TOLLIP: variants seen among roughly 807,000 people sequenced by gnomAD.
TOLLIP encodes the protein toll interacting protein, also known as toll-interacting protein.
A neutral mutation model predicts 33.5 loss-of-function variants in TOLLIP; 16 were observed. The ratio of observed to expected loss-of-function variants is 0.48; its 90% CI spans 0.32 to 0.72. The LOEUF is 0.72. Among genes scored for constraint, TOLLIP ranks in the 30% least tolerant of loss-of-function variants. The probability of loss-of-function intolerance (pLI) is 0.03; values close to 1 mark genes in which losing one functional copy is unlikely to be tolerated. For missense variants in TOLLIP, 325 were observed against 396.6 expected (o/e 0.82, Z 1.53); for synonymous variants, 176 against 163.7 (o/e 1.07, Z -0.57).
chr11:1,281,732 CG>C (rs1422899863), intron 5 of TOLLIP, among the ~76,000 whole-genome samples: 1 of 152,270 alleles, frequency 6.6e-6, no homozygotes, highest in East Asian at 1.9e-4. Context: ...GCCAGCACCG[CG>C]TAGCCAGGCA....
At chr11:1,306,441 C>G (rs72846392) in intron 1 of TOLLIP, among the ~76,000 whole-genome samples, 1 of 152,264 alleles carries the variant, frequency 6.6e-6, no homozygotes, top group Non-Finnish European at 1.5e-5. Flanking sequence ...TCTCCCGAGC[C>G]AGAGTCCTGC....
In TOLLIP at chr11:1,302,619, G is replaced by C. The variant is rs565889600; in HGVS notation, c.34-6825C>G. 4.1e-6 allele frequency: 4 copies of C among 987,292 alleles called. No individual in the cohort carries two copies. The African/African-American group carries it at 7.0e-5, about 17-fold the overall frequency. The allele number at this position is 987,292 out of a possible 1,614,324, so 61.2% of individuals were successfully genotyped here. On this transcript the variant is annotated intron_variant, in intron 1 of 5. Coordinates refer to ENST00000317204, the MANE Select transcript of TOLLIP (RefSeq NM_019009.4). ...AGCCCCTGGCACTCCAGCCAGCCTC[G>C]GCCTCACGCTCCACACCAGCCTCCT...
At chr11:1,302,127 G>A (rs961358555) in intron 1 of TOLLIP, among the ~76,000 whole-genome samples, 2 of 152,260 alleles carry the variant, frequency 1.3e-5, no homozygotes, top group African/African-American at 2.4e-5. Context: ...TCTGCTGCTA[G>A]GTTCACACCC....
At position 1,275,670 on chromosome 11, in the gene TOLLIP, T is replaced by C. The variant is rs1409228696; in HGVS notation, c.*1369A>G. ...CAAAAATAAATATTTATCAACAGTA[T>C]ATTTGACAAAAACCACCCCCAATCG... On this transcript the variant is annotated 3_prime_UTR_variant, in exon 6 of 6. Coordinates refer to ENST00000317204, the MANE Select transcript of TOLLIP (RefSeq NM_019009.4). The C allele has an allele frequency of 6.6e-6, 1 of 152,180 alleles. No individual in the cohort carries two copies. Among genetic ancestry groups the C allele is most frequent in the Non-Finnish European group, 1.5e-5 (1 of 68,034 alleles). The allele number at this position is 152,180 out of a possible 1,614,324, so 9.4% of individuals were successfully genotyped here. A position where few individuals can be genotyped will look rare whatever the true frequency, so the allele number is the denominator to read the frequency against.
chr11:1,284,741 C>A (rs1270521135), intron 5 of TOLLIP, among the ~76,000 whole-genome samples: 1 of 152,212 alleles, frequency 6.6e-6, no homozygotes, highest in East Asian at 1.9e-4. Context: ...AGCCCTGGCA[C>A]CTGCGCGGGC....
At chr11:1,302,553 C>A in intron 1 of TOLLIP, 1 of 984,922 alleles carries the variant, frequency 1.0e-6, no homozygotes, top group Non-Finnish European at 1.2e-6. Context: ...CCACCCTTCA[C>A]AGCACCAGCA....
Position 1,288,843 on chromosome 11 carries a change from C to A in TOLLIP, c.367-67G>T, listed in dbSNP as rs904528585. 9.6e-5 allele frequency: 147 copies of A among 1,537,296 alleles called. 1 individual carries two copies. The highest frequency in any genetic ancestry group is 1.2e-4 in the Non-Finnish European group (140 of 1,134,486). Reference sequence around the variant, plus strand: ...GGGCCACCCTGCCCCTGCAGCCGCACCATCGTGGGCCCGCCTCGAGTCCCC... The same window carrying A: ...GGGCCACCCTGCCCCTGCAGCCGCAACATCGTGGGCCCGCCTCGAGTCCCC... On this transcript the variant is annotated intron_variant, in intron 3 of 5. Coordinates refer to ENST00000317204, the MANE Select transcript of TOLLIP (RefSeq NM_019009.4).
intron 3 of TOLLIP, among the ~76,000 whole-genome samples, chr11:1,289,668 C>A (rs1243467073): frequency 6.8e-6 from 1 of 147,310 alleles, no homozygotes; most frequent in Non-Finnish European, 1.5e-5. Context: ...AGCGGCCAGA[C>A]GAGTGCCCAG....
intron 4 of TOLLIP, among the ~76,000 whole-genome samples, 189 bp downstream of exon 4, chr11:1,288,435 G>A (rs1322367726): frequency 1.3e-5 from 2 of 152,196 alleles, no homozygotes; most frequent in African/African-American, 2.4e-5. Context: ...CAGGAGCAGT[G>A]GGCAGGGCAG....
chr11:1,308,329 T>C (rs935189853), intron 1 of TOLLIP, among the ~76,000 whole-genome samples: 1 of 152,228 alleles, frequency 6.6e-6, no homozygotes, highest in African/African-American at 2.4e-5. Context: ...CCCAACTCTC[T>C]TGCTGCTTTC....
In TOLLIP at chr11:1,290,404, C is replaced by T; in HGVS notation, c.189G>A (p.Lys63=). 6.2e-7 allele frequency: 1 copy of T among 1,610,480 alleles called. No homozygotes were observed. Among genetic ancestry groups the T allele is most frequent in the Non-Finnish European group, 8.5e-7 (1 of 1,177,498 alleles). The change falls in exon 3 of 6, where the codon AAG becomes AAA. Residue 63 remains lysine, a synonymous_variant. Coordinates refer to ENST00000317204, the MANE Select transcript of TOLLIP (RefSeq NM_019009.4). The surrounding 1 kb of genome is among the most constrained non-coding windows in gnomAD (Gnocchi z 4.9). The stretch of plus-strand genomic sequence containing the variant: ...GGGTCATGCCGTAATTCTTGGCCAA[C>T]TTTGCCTGGAATGAAGCCAATGTCA... ...GRLNITVVQA[K]LAKNYGMTRM...
At chr11:1,295,412 GACGCCCACCT>G in intron 2 of TOLLIP, 1 of 462,670 alleles carries the variant, frequency 2.2e-6, no homozygotes, top group Non-Finnish European at 3.8e-6. Context: ...ACACAGAGCA[GACGCCCACCT>G]ACACCCACTA....
chr11:1,276,862 A>G lies in TOLLIP; in HGVS notation c.*177T>C, dbSNP rs1488528040. ...AGCCCCCGCCCCGTCCTGGACCGCC[A>G]GGAACCGAAAACCCACATGCACCCA... On this transcript the variant is annotated 3_prime_UTR_variant, in exon 6 of 6. Coordinates refer to ENST00000317204, the MANE Select transcript of TOLLIP (RefSeq NM_019009.4). 1 of 1,536,242 alleles carries G rather than the reference A, an allele frequency of 6.5e-7. No homozygotes were observed. Among genetic ancestry groups the G allele is most frequent in the Non-Finnish European group, 8.7e-7 (1 of 1,146,694 alleles).
chr11:1,306,011 C>T (rs916373645), intron 1 of TOLLIP: 4 of 151,964 alleles, frequency 2.6e-5, no homozygotes, highest in Non-Finnish European at 4.4e-5. Flanking sequence ...CAGTACCCCT[C>T]GCAGGGGCCC....
intron 5 of TOLLIP, among the ~76,000 whole-genome samples, chr11:1,281,344 C>A (rs1310699239): frequency 6.6e-6 from 1 of 152,202 alleles, no homozygotes; most frequent in Non-Finnish European, 1.5e-5. Context: ...GCCCCGGCTT[C>A]TGAGTTGCTT....
At chr11:1,280,394 T>C (rs1474087491) in intron 5 of TOLLIP, among the ~76,000 whole-genome samples, 3 of 152,138 alleles carry the variant, frequency 2.0e-5, no homozygotes, top group Non-Finnish European at 4.4e-5. Flanking sequence ...TTTGCTTTCA[T>C]ACTTTGTGGA....
rs1418233177 is a variant in TOLLIP at position 1,290,441 on chromosome 11, T to C, written c.184-32A>G. On this transcript the variant is annotated intron_variant, in intron 2 of 5. Transcript: ENST00000317204. The surrounding 1 kb of genome is among the most constrained non-coding windows in gnomAD (Gnocchi z 4.9). Reference sequence around the variant, plus strand: ...TGAAGCCAATGTCAGGAAAAGGAGGTGCCAACCATCAGGAGAGGGTGGGTT... The same window carrying C: ...TGAAGCCAATGTCAGGAAAAGGAGGCGCCAACCATCAGGAGAGGGTGGGTT... 2 of 1,604,634 alleles carry C rather than the reference T, an allele frequency of 1.2e-6. No individual in the cohort carries two copies. Among genetic ancestry groups the C allele is most frequent in the African/African-American group, 1.3e-5 (1 of 74,866 alleles).
In TOLLIP at chr11:1,280,776, C is replaced by T. The variant is rs762411425; in HGVS notation, c.611-3523G>A. ...GTGAGGAGGGCCCCAGAGGACAGCG[C>T]GGCCGGCACCACCTTCCACCTCAGC... On this transcript the variant is annotated intron_variant, in intron 5 of 5. Coordinates refer to ENST00000317204, the MANE Select transcript of TOLLIP (RefSeq NM_019009.4). 3.3e-5 allele frequency among the ~76,000 whole-genome samples: 5 copies of T among 152,238 alleles called. 1 individual carries two copies. The highest frequency in any genetic ancestry group is 4.1e-4 in the South Asian group (2 of 4,826).
chr11:1,285,970 G>A, intron 5 of TOLLIP, 32 bp downstream of exon 5: 4 of 1,553,786 alleles, frequency 2.6e-6, no homozygotes, highest in Non-Finnish European at 3.5e-6. Context: ...TTTCTACCAG[G>A]GGAGAGGCAC....
Sources: gnomAD v4.1 joint callset for allele counts (sites outside exome capture counted in the v4.1 genomes callset) on GRCh38, gnomAD v4.1.1 for gene constraint, Gnocchi (gnomAD v3.1) non-coding constraint, MANE v1.5 for transcripts, NCBI Gene and HGNC (gene_info 2026-07-23, HGNC 2026-07-21) for gene names.